TNS3: variants seen among roughly 807,000 people sequenced by gnomAD.
TNS3 encodes the protein tensin-3.
A neutral mutation model predicts 140.9 loss-of-function variants in TNS3; 45 were observed. That is an observed-to-expected ratio of 0.32 (90% CI 0.25 to 0.41). The LOEUF is 0.41. TNS3 is among the 10% of genes least tolerant of loss of function. The pLI, the probability that TNS3 is intolerant of heterozygous loss-of-function variation, is 1.00. For missense variants in TNS3, 1,716 were observed against 1,906.7 expected, an observed-to-expected ratio of 0.90 and a Z score of 1.86; for synonymous variants, 815 against 788.4, an observed-to-expected ratio of 1.03 and a Z score of -0.56.
intron 4 of TNS3, among the ~76,000 whole-genome samples, chr7:47,462,902 G>A (rs1412786116): frequency 6.6e-6 from 1 of 152,154 alleles, no homozygotes; most frequent in Non-Finnish European, 1.5e-5. Flanking sequence ...AGTGGGCTGG[G>A]ATCTGTTCTC....
At chr7:47,384,286 G>A (rs62446288) in intron 16 of TNS3, among the ~76,000 whole-genome samples, 191 of 152,264 alleles carry the variant, frequency 1.3e-3, no homozygotes, top group Non-Finnish European at 2.3e-3. Context: ...CCTAGAGGCC[G>A]GGAAGGGGCA....
chr7:47,436,640 A>G (rs901557704), intron 7 of TNS3, among the ~76,000 whole-genome samples: 2 of 152,222 alleles, frequency 1.3e-5, no homozygotes, highest in African/African-American at 4.8e-5. Context: ...GAAAATTATC[A>G]TGAAAGGAGT....
intron 9 of TNS3, among the ~76,000 whole-genome samples, chr7:47,424,460 G>T (rs1794544729): frequency 6.6e-6 from 1 of 152,226 alleles, no homozygotes; most frequent in Non-Finnish European, 1.5e-5. Context: ...TCTTAAGAGT[G>T]CTGAATACCC....
At chr7:47,331,372 G>T (rs1375665286) in intron 20 of TNS3, among the ~76,000 whole-genome samples, 3 of 152,306 alleles carry the variant, frequency 2.0e-5, no homozygotes, top group Non-Finnish European at 2.9e-5. Flanking sequence ...CTACTCTGGG[G>T]TTCTTGAGAC....
At chr7:47,477,076 G>A (rs1797224845) in intron 4 of TNS3, among the ~76,000 whole-genome samples, 1 of 152,160 alleles carries the variant, frequency 6.6e-6, no homozygotes, top group South Asian at 2.1e-4. Flanking sequence ...GGCACCCTAT[G>A]CCTGCAGACA....
At chr7:47,330,388 C>G (rs1788268764) in intron 20 of TNS3, among the ~76,000 whole-genome samples, 3 of 152,196 alleles carry the variant, frequency 2.0e-5, no homozygotes, top group Admixed American at 2.0e-4. Context: ...AGCTGAGAGA[C>G]TGTCTCTCTC....
chr7:47,353,298 A>C (rs955238572), intron 17 of TNS3, among the ~76,000 whole-genome samples: 2 of 152,166 alleles, frequency 1.3e-5, no homozygotes, highest in Non-Finnish European at 2.9e-5. Context: ...GAAGGGGTGA[A>C]GAGGTGAGGG....
chr7:47,579,149 T>C (rs1784471813), intron 1 of TNS3: 1 of 152,080 alleles, frequency 6.6e-6, no homozygotes, highest in Non-Finnish European at 1.5e-5. Flanking sequence ...ATCAACCACC[T>C]ACTTAATTAA....
intron 20 of TNS3, among the ~76,000 whole-genome samples, chr7:47,326,356 CTA>C (rs1343620028): frequency 6.6e-6 from 1 of 152,150 alleles, no homozygotes; most frequent in East Asian, 1.9e-4. Flanking sequence ...ACTCAGAAAA[CTA>C]TGTTCTTTCC....
rs150098275 is a variant in TNS3 at position 47,342,908 on chromosome 7, T to A, written c.2650+1847A>T. 4.2e-3 allele frequency among the ~76,000 whole-genome samples: 645 copies of A among 152,332 alleles called. 4 individuals carry two copies. The highest frequency in any genetic ancestry group is 0.015 in the African/African-American group (604 of 41,592). ...GCAAGGGCACTGGCTCACCACACTG[T>A]CTGATGAAAGCATCCACTAAGTCAG... On this transcript the variant is annotated intron_variant, in intron 20 of 30. Coordinates refer to ENST00000311160, the MANE Select transcript of TNS3 (RefSeq NM_022748.12).
At chr7:47,491,942 T>C (rs569308057) in intron 3 of TNS3, among the ~76,000 whole-genome samples, 13 of 152,336 alleles carry the variant, frequency 8.5e-5, no homozygotes, top group Admixed American at 5.9e-4. Flanking sequence ...CCAGATGCCA[T>C]GCCTGACACC....
rs770045493 is a variant in TNS3 at position 47,276,010 on chromosome 7, G to A, written c.*2066C>T. 1.3e-5 allele frequency: 5 copies of A among 370,724 alleles called. No homozygotes were observed. Among genetic ancestry groups the A allele is most frequent in the Admixed American group, 3.4e-5 (1 of 29,594 alleles). The allele number at this position is 370,724 out of a possible 1,614,324, so 23.0% of individuals were successfully genotyped here. Reference sequence around the variant, plus strand: ...GGCCTGCACTCTTTGGGTTAAACATGGGTAGAGACCGTCTCAGGATGAGGA... The same window carrying A: ...GGCCTGCACTCTTTGGGTTAAACATAGGTAGAGACCGTCTCAGGATGAGGA... On this transcript the variant is annotated 3_prime_UTR_variant, in exon 31 of 31. Transcript: ENST00000311160.
intron 3 of TNS3, among the ~76,000 whole-genome samples, chr7:47,491,532 G>C (rs561696756): frequency 2.7e-4 from 41 of 152,262 alleles, no homozygotes; most frequent in African/African-American, 9.9e-4. Flanking sequence ...TTGGAGTGAG[G>C]GTGAAAGGGG....
chr7:47,436,132 GGAAGTAGGA>G (rs1253152186), intron 7 of TNS3, among the ~76,000 whole-genome samples: 3 of 152,166 alleles, frequency 2.0e-5, no homozygotes, highest in Admixed American at 2.0e-4. Flanking sequence ...AAAGTTGCCA[GGAAGTAGGA>G]AAAGTCACTA....
chr7:47,341,075 G>A lies in TNS3; in HGVS notation c.2650+3680C>T, dbSNP rs1476765341. On this transcript the variant is annotated intron_variant, in intron 20 of 30. Coordinates refer to ENST00000311160, the MANE Select transcript of TNS3 (RefSeq NM_022748.12). Reference sequence around the variant, plus strand: ...AATTTTCAAATACTAAACCAGCCTTGCATCTCAGAATATGTCCCATTTGGC... The same window carrying A: ...AATTTTCAAATACTAAACCAGCCTTACATCTCAGAATATGTCCCATTTGGC... Among the ~76,000 whole-genome samples, 6 of 152,124 alleles carry A rather than the reference G, an allele frequency of 3.9e-5. No individual in the cohort carries two copies. The East Asian group carries it at 1.2e-3, about 29-fold the overall frequency.
chr7:47,473,171 G>A (rs1797030702), intron 4 of TNS3, among the ~76,000 whole-genome samples: 1 of 152,186 alleles, frequency 6.6e-6, no homozygotes, highest in South Asian at 2.1e-4. Context: ...GTCAAGGTAA[G>A]ATCTGGGGAA....
At position 47,389,084 on chromosome 7, in the gene TNS3, G is replaced by GTGGA. The variant is rs1792313378; in HGVS notation, c.1024+7715_1024+7716insTCCA. Among the ~76,000 whole-genome samples, 12 of 73,306 alleles carry GTGGA rather than the reference G, an allele frequency of 1.6e-4. 2 individuals carry two copies. Among genetic ancestry groups the GTGGA allele is most frequent in the African/African-American group, 5.8e-4 (8 of 13,840 alleles). 48.1% of individuals were successfully genotyped at this position (73,306 alleles called of 152,430 possible). ...AGAAGAAGAAGAAGAAGAAGAAGAA[G>GTGGA]AGGAAGAGGAAGAGGAAGCGGAAGC... On this transcript the variant is annotated intron_variant, in intron 16 of 30. Transcript: ENST00000311160.
intron 1 of TNS3, among the ~76,000 whole-genome samples, chr7:47,530,834 A>ATATATATATATATAT (rs1554350205): frequency 2.3e-4 from 7 of 30,828 alleles, no homozygotes; most frequent in South Asian, 1.5e-3. Flanking sequence ...AAAAAAAAAA[A>ATATATATATATATAT]AAAAATATAT....
chr7:47,371,781 A>G (rs189861189), intron 16 of TNS3, among the ~76,000 whole-genome samples: 69 of 152,092 alleles, frequency 4.5e-4, no homozygotes, highest in African/African-American at 1.5e-3. Context: ...GTGACTGTGA[A>G]GTAGAGTGGT....
Sources: allele counts gnomAD v4.1 joint callset (sites outside exome capture counted in the v4.1 genomes callset), GRCh38; gene constraint gnomAD v4.1.1; transcripts MANE v1.5; gene names NCBI Gene and HGNC (gene_info 2026-07-23, HGNC 2026-07-21).